Variants in ITSN2 observed in about 807,000 individuals in gnomAD.
ITSN2 encodes the protein intersectin 2, also known as intersectin-2.
Under a neutral mutation model 243.7 loss-of-function variants are expected in ITSN2, and 156 were observed. The observed-to-expected ratio is 0.64, with a 90% CI of 0.56 to 0.73. The LOEUF is 0.73. Among genes scored for constraint, ITSN2 ranks in the 30% least tolerant of loss-of-function variants. The probability of loss-of-function intolerance (pLI) is 0.00; values close to 1 mark genes in which losing one functional copy is unlikely to be tolerated. For missense variants in ITSN2, 1,801 were observed against 1,996.1 expected (o/e 0.90, Z 1.86); for synonymous variants, 703 against 699.9 (o/e 1.00, Z -0.07).
Position 24,313,529 on chromosome 2 carries a change from G to A in ITSN2, c.125-6C>T, listed in dbSNP as rs2151754878. ...AAAATTACGTGCTTGATCACCTGGA[G>A]GTAATAAAAACAAAACCCAAGCAGC... On this transcript the variant is annotated splice_region_variant and splice_polypyrimidine_tract_variant and intron_variant, in intron 3 of 39. Coordinates refer to ENST00000355123, the MANE Select transcript of ITSN2 (RefSeq NM_006277.3). 1 of 1,610,682 alleles carries A rather than the reference G, an allele frequency of 6.2e-7. No individual in the cohort carries two copies. Among genetic ancestry groups the A allele is most frequent in the South Asian group, 1.1e-5 (1 of 90,334 alleles).
At chr2:24,267,237 G>A (rs995221171) in intron 20 of ITSN2, among the ~76,000 whole-genome samples, 2 of 152,070 alleles carry the variant, frequency 1.3e-5, no homozygotes, top group African/African-American at 2.4e-5. Context: ...GACCTGTCAG[G>A]GGGTGGGGGA....
chr2:24,315,183 T>C lies in ITSN2; in HGVS notation c.73A>G (p.Lys25Glu). Residue 25 changes from lysine (K) to glutamate (E), a missense_variant, in exon 3 of 40, where the codon AAG (lysine) becomes GAG (glutamate). Lys to Glu is a moderately conservative substitution (Grantham distance 56, BLOSUM62 1). Coordinates refer to ENST00000355123, the MANE Select transcript of ITSN2 (RefSeq NM_006277.3). ...MWAITSEERT[K>E]HDRQFDNLKP... Reference sequence around the variant, plus strand: ...AGGTTATCAAACTGCCTGTCATGCTTAGTACGTTCTTCAGAGGTAATAGCC... The same window carrying C: ...AGGTTATCAAACTGCCTGTCATGCTCAGTACGTTCTTCAGAGGTAATAGCC... 1 of 1,612,832 alleles carries C rather than the reference T, an allele frequency of 6.2e-7. No homozygotes were observed. The highest frequency in any genetic ancestry group is 8.5e-7 in the Non-Finnish European group (1 of 1,179,132).
At chr2:24,259,638 A>G (rs1259844961) in intron 22 of ITSN2, among the ~76,000 whole-genome samples, 3 of 152,132 alleles carry the variant, frequency 2.0e-5, no homozygotes, top group Non-Finnish European at 2.9e-5. Context: ...TTTCCTGCAA[A>G]TATCTTGTGT....
At chr2:24,239,045 C>A (rs1672463660) in intron 29 of ITSN2, 1 of 152,334 alleles carries the variant, frequency 6.6e-6, no homozygotes, top group Non-Finnish European at 1.5e-5. Flanking sequence ...AATCTCAATA[C>A]CTTTAATACT....
At chr2:24,246,927 G>A (rs940207121) in intron 27 of ITSN2, 34 bp from the exon 28 acceptor site, 4 of 1,332,208 alleles carry the variant, frequency 3.0e-6, no homozygotes. Flanking sequence ...ATAATTGAAA[G>A]ATGAGATTAA....
intron 20 of ITSN2, among the ~76,000 whole-genome samples, chr2:24,269,571 C>G (rs911730265): frequency 3.3e-5 from 5 of 152,140 alleles, no homozygotes; most frequent in African/African-American, 1.2e-4. Context: ...TGGGAGAGGT[C>G]TGTGCTAAAG....
At chr2:24,231,812 G>T (rs1671626946) in intron 29 of ITSN2, among the ~76,000 whole-genome samples, 1 of 152,204 alleles carries the variant, frequency 6.6e-6, no homozygotes, top group Non-Finnish European at 1.5e-5. Context: ...CCCATTTGGA[G>T]GGGAGCAGTG....
rs1381786388 is a variant in ITSN2 at position 24,246,222 on chromosome 2, G to A, written c.3484C>T (p.Pro1162Ser). The A allele has an allele frequency of 2.5e-6, 4 of 1,612,824 alleles. No homozygotes were observed. The highest frequency in any genetic ancestry group is 3.4e-6 in the Non-Finnish European group (4 of 1,179,034). The change falls in exon 29 of 40, where the codon CCT becomes TCT. Residue 1162 changes from proline (P) to serine (S), a missense_variant. By Grantham distance (74) the Pro-to-Ser change is moderately conservative. Transcript: ENST00000355123. ...TTGATCTCTCCTTGCCACCAATCAG[G>A]ATCATCTTTGTTCATAACATTAATG... ...QLINVMNKDDPDWWQGEINGV... is the reference protein window; with the variant it reads ...QLINVMNKDDSDWWQGEINGV...
At position 24,222,034 on chromosome 2, in the gene ITSN2, C is replaced by T. The variant is rs6738156; in HGVS notation, c.3578-968G>A. ...TTGGGAGGCCAAGGTGGGTGTATCA[C>T]GAGGTCAGGAGATCGAGACCATCCT... On this transcript the variant is annotated intron_variant, in intron 29 of 39. Coordinates refer to ENST00000355123, the MANE Select transcript of ITSN2 (RefSeq NM_006277.3). Among the ~76,000 whole-genome samples, 1,115 of 152,112 alleles carry T rather than the reference C, an allele frequency of 7.3e-3. 8 individuals carry two copies. Among genetic ancestry groups the T allele is most frequent in the African/African-American group, 0.026 (1,068 of 41,510 alleles).
At position 24,293,704 on chromosome 2, in the gene ITSN2, C is replaced by A. The variant is rs1386531355; in HGVS notation, c.1707G>T (p.Gln569His). 1.7e-6 allele frequency: 2 copies of A among 1,207,294 alleles called. No individual in the cohort carries two copies. The highest frequency in any genetic ancestry group is 4.8e-5 in the Admixed American group (2 of 41,830). The allele number at this position is 1,207,294 out of a possible 1,614,324, so 74.8% of individuals were successfully genotyped here. ...GAGACTTACCAGGTGTGTTACTGAA[C>A]TGCATGTTTTTAATTCTTTCATTTA... The part of the protein sequence containing the change: ...QLLNERIKNM[Q>H]FSNTPDSGVS... Residue 569 changes from glutamine to histidine, a missense_variant, in exon 15 of 40, where the codon CAG becomes CAT. Around this residue, in one of 5 missense-constraint regions of ITSN2, gnomAD observed 787 missense variants for 803.9 expected, o/e 0.98. Coordinates refer to ENST00000355123, the MANE Select transcript of ITSN2 (RefSeq NM_006277.3).
Position 24,293,701 on chromosome 2 carries a change from G to C in ITSN2, c.1710C>G (p.Phe570Leu), listed in dbSNP as rs1428891271. The change falls in exon 15 of 40, where the codon TTC (phenylalanine) becomes TTG (leucine). Residue 570 changes from phenylalanine to leucine, a missense_variant. This residue lies in a region of ITSN2 where 787 missense variants were observed against 803.9 expected (regional missense o/e 0.98). Coordinates refer to ENST00000355123, the MANE Select transcript of ITSN2 (RefSeq NM_006277.3). ...TTAGAGACTTACCAGGTGTGTTACT[G>C]AACTGCATGTTTTTAATTCTTTCAT... ...LLNERIKNMQ[F>L]SNTPDSGVSL... The C allele has an allele frequency of 8.4e-7, 1 of 1,195,486 alleles. No individual in the cohort carries two copies. Among genetic ancestry groups the C allele is most frequent in the Admixed American group, 2.4e-5 (1 of 41,876 alleles). 74.1% of individuals were successfully genotyped at this position (1,195,486 alleles called of 1,614,324 possible). A position where few individuals can be genotyped will look rare whatever the true frequency, so the allele number is the denominator to read the frequency against.
At chr2:24,224,003 C>T (rs756094647) in intron 29 of ITSN2, among the ~76,000 whole-genome samples, 10 of 151,806 alleles carry the variant, frequency 6.6e-5, no homozygotes, top group Non-Finnish European at 1.3e-4. Context: ...CAGAGGGTAA[C>T]TGAGTGTTAA....
intron 29 of ITSN2, among the ~76,000 whole-genome samples, chr2:24,235,660 AAAAAGT>A (rs1672081008): frequency 6.6e-6 from 1 of 152,244 alleles, no homozygotes. Flanking sequence ...AAGTCTTTTA[AAAAAGT>A]GATTATGAAG....
intron 3 of ITSN2, 120 bp downstream of exon 3, chr2:24,315,010 TTC>T (rs1299279660): frequency 6.6e-6 from 3 of 457,512 alleles, no homozygotes; most frequent in South Asian, 5.8e-5. Context: ...ATTTCTAGAA[TTC>T]TGATTGATAT....
rs373107209 is a variant in ITSN2 at position 24,220,953 on chromosome 2, C to T, written c.3691G>A (p.Val1231Ile). The T allele has an allele frequency of 1.5e-5, 24 of 1,596,776 alleles. No homozygotes were observed. Among genetic ancestry groups the T allele is most frequent in the African/African-American group, 1.5e-4 (11 of 73,786 alleles). ...EERYMADLQL[V>I]VEVFQKRMAE... The stretch of plus-strand genomic sequence containing the variant: ...AGCAGCAGCCTCCTCACCTCGACGA[C>T]GAGCTGAAGGTCAGCCATGTACCGC... Residue 1231 changes from valine to isoleucine, a missense_variant, in exon 30 of 40, where the codon GTC becomes ATC. By Grantham distance (29) the Val-to-Ile change is conservative. Around this residue, in one of 5 missense-constraint regions of ITSN2, gnomAD observed 928 missense variants for 1,065.4 expected, o/e 0.87. Transcript: ENST00000355123.
intron 13 of ITSN2, 44 bp from the exon 14 acceptor site, chr2:24,295,848 T>C (rs766912220): frequency 3.0e-6 from 4 of 1,316,346 alleles, no homozygotes; most frequent in East Asian, 2.8e-5. Context: ...AAAATGCTAA[T>C]AGAAAATGTT....
Position 24,317,993 on chromosome 2 carries a change from T to C in ITSN2, c.32-2769A>G, listed in dbSNP as rs77588606. On this transcript the variant is annotated intron_variant, in intron 2 of 39. Transcript: ENST00000355123. The stretch of plus-strand genomic sequence containing the variant: ...AGCAGTTTTAGGTTCACGGCAAGAT[T>C]GAGCAGAAGGTACAAACATTTCTCC... Among the ~76,000 whole-genome samples the C allele has an allele frequency of 9.2e-3, 1,407 of 152,294 alleles. 18 individuals are homozygous for C. Among genetic ancestry groups the C allele is most frequent in the African/African-American group, 0.033 (1,359 of 41,546 alleles).
At chr2:24,359,653 CAAAT>C (rs1002665122) in intron 1 of ITSN2, among the ~76,000 whole-genome samples, 138 of 152,244 alleles carry the variant, frequency 9.1e-4, no homozygotes, top group African/African-American at 3.0e-3. Context: ...AATAAATACA[CAAAT>C]AAACTTTATC....
At position 24,212,682 on chromosome 2, in the gene ITSN2, T is replaced by C; in HGVS notation, c.4057A>G (p.Arg1353Gly). 1 of 1,613,146 alleles carries C rather than the reference T, an allele frequency of 6.2e-7. No homozygotes were observed. Among genetic ancestry groups the C allele is most frequent in the East Asian group, 2.2e-5 (1 of 44,846 alleles). The change falls in exon 33 of 40, where the codon AGG becomes GGG. Residue 1353 changes from arginine (R) to glycine (G), a missense_variant. Arg to Gly is a moderately radical substitution (Grantham distance 125, BLOSUM62 -2). This residue lies in a region of ITSN2 where 928 missense variants were observed against 1,065.4 expected (regional missense o/e 0.87). Coordinates refer to ENST00000355123, the MANE Select transcript of ITSN2 (RefSeq NM_006277.3). ...ATGAGCAGTGGGTAGCGGGTGATCC[T>C]CTGCATGGGTTTCAGCAGGAAGCTG... ...LSSFLLKPMQRITRYPLLIRS... is the reference protein window; with the variant it reads ...LSSFLLKPMQGITRYPLLIRS...
Sources: gnomAD v4.1 joint callset for allele counts (sites outside exome capture counted in the v4.1 genomes callset) on GRCh38, gnomAD v4.1.1 for gene constraint, gnomAD v4.1.1 regional missense constraint, MANE v1.5 for transcripts, NCBI Gene and HGNC (gene_info 2026-07-23, HGNC 2026-07-21) for gene names.